The following LARP4B variants were observed in gnomAD, a reference collection of about 807,000 sequenced individuals.
LARP4B encodes the protein la-related protein 4B.
Under a neutral mutation model 89.8 loss-of-function variants are expected in LARP4B, and 12 were observed. That is an observed-to-expected ratio of 0.13 (90% CI 0.09 to 0.22). The LOEUF (loss-of-function observed/expected upper bound fraction) is 0.22. LARP4B is among the 10% of genes least tolerant of loss of function. The pLI is 1.00. For missense variants in LARP4B, 757 were observed against 947.7 expected, an observed-to-expected ratio of 0.80 and a Z score of 2.64; for synonymous variants, 367 against 363.3, an observed-to-expected ratio of 1.01 and a Z score of -0.12.
chr10:958,535 G>A, the LARP4B span, among the ~76,000 whole-genome samples: 2 of 152,206 alleles, frequency 1.3e-5, no homozygotes, highest in East Asian at 1.9e-4. Context: ...TGGTGCAGGT[G>A]TTATCCACCC....
chr10:936,900 T>C, the LARP4B span, among the ~76,000 whole-genome samples: 3 of 152,192 alleles, frequency 2.0e-5, no homozygotes, highest in Non-Finnish European at 4.4e-5. Flanking sequence ...ATTTGAATAC[T>C]GTGAGTAAAA....
the LARP4B span, chr10:985,302 AGAT>A: frequency 2.6e-5 from 4 of 152,278 alleles, no homozygotes; most frequent in African/African-American, 9.6e-5. Flanking sequence ...ATAAGAACAT[AGAT>A]AATACATAAT....
chr10:851,344 C>T (rs563745449), intron 5 of LARP4B, among the ~76,000 whole-genome samples: 61 of 152,074 alleles, frequency 4.0e-4, no homozygotes, highest in African/African-American at 1.4e-3. Flanking sequence ...CCACCACAGG[C>T]GGCTAATTTT....
the LARP4B span, among the ~76,000 whole-genome samples, chr10:941,899 C>T: frequency 2.0e-5 from 3 of 152,092 alleles, no homozygotes; most frequent in Non-Finnish European, 4.4e-5. Flanking sequence ...CCTCAGCCTC[C>T]TAAGTACCTG....
intron 3 of LARP4B, among the ~76,000 whole-genome samples, chr10:879,474 T>C (rs750442597): frequency 6.6e-6 from 1 of 152,066 alleles, no homozygotes; most frequent in Non-Finnish European, 1.5e-5. Context: ...TGTATCAACA[T>C]CCTTAAGGAA....
intron 1 of LARP4B, among the ~76,000 whole-genome samples, chr10:931,094 T>G (rs1173364066): frequency 2.7e-5 from 4 of 148,922 alleles, no homozygotes; most frequent in Admixed American, 6.7e-5. Flanking sequence ...CCTCAACGGG[T>G]CCTCCTAAGC....
intron 5 of LARP4B, among the ~76,000 whole-genome samples, chr10:849,952 G>T (rs541865767): frequency 3.0e-4 from 45 of 152,300 alleles, no homozygotes; most frequent in Non-Finnish European, 3.5e-4. Context: ...CAGCCAAGAG[G>T]AGCCTAAGGA....
At chr10:931,926 GGCGCGTGCGCGCACATCGCCCCGCCCC>G (rs897467986), upstream of LARP4B, among the ~76,000 whole-genome samples, 8 of 149,746 alleles carry the variant, frequency 5.3e-5, no homozygotes, top group Non-Finnish European at 1.0e-4. Flanking sequence ...CCTTGCGATT[GGCGCGTGCGCGCACATCGCCCCGCCCC>G]GCGCACGCCG....
chr10:827,126 A>C (rs1444023928), intron 11 of LARP4B, among the ~76,000 whole-genome samples: 1 of 152,068 alleles, frequency 6.6e-6, no homozygotes, highest in Non-Finnish European at 1.5e-5. Context: ...ATACAAAAAA[A>C]TTATCCGGGC....
At chr10:891,497 G>A (rs968895076) in intron 1 of LARP4B, among the ~76,000 whole-genome samples, 3 of 152,164 alleles carry the variant, frequency 2.0e-5, no homozygotes, top group Admixed American at 1.3e-4. Context: ...GATGTATATT[G>A]AAATATTTAC....
At chr10:909,031 A>G (rs1038093775) in intron 1 of LARP4B, among the ~76,000 whole-genome samples, 5 of 152,162 alleles carry the variant, frequency 3.3e-5, no homozygotes, top group Non-Finnish European at 7.3e-5. Context: ...GCGGTGGCTC[A>G]TGCCTGTAAT....
chr10:950,809 ATAT>A, the LARP4B span, among the ~76,000 whole-genome samples: 2 of 151,336 alleles, frequency 1.3e-5, no homozygotes, highest in Admixed American at 6.6e-5. Flanking sequence ...GTATATGGAA[ATAT>A]TATTGAATTT....
chr10:830,130 C>T (rs2131662272), intron 9 of LARP4B, among the ~76,000 whole-genome samples: 1 of 152,300 alleles, frequency 6.6e-6, no homozygotes, highest in East Asian at 1.9e-4. Flanking sequence ...AGGATCATAA[C>T]ATCCAAAAGT....
At chr10:955,845 C>T in the LARP4B span, among the ~76,000 whole-genome samples, 4 of 152,226 alleles carry the variant, frequency 2.6e-5, no homozygotes, top group South Asian at 8.3e-4. The surrounding 1 kb of genome is among the most constrained non-coding windows in gnomAD (Gnocchi z 5.2). Context: ...AGAAAGGAAA[C>T]TGTGTGAGGC....
chr10:944,605 C>T, the LARP4B span, among the ~76,000 whole-genome samples: 3 of 152,172 alleles, frequency 2.0e-5, no homozygotes, highest in East Asian at 3.8e-4. Flanking sequence ...TTCCTGCCAG[C>T]GCCAGTGCCA....
the LARP4B span, among the ~76,000 whole-genome samples, chr10:980,414 G>A: frequency 0.5 from 76,011 of 152,092 alleles, 19,347 homozygotes; most frequent in East Asian, 0.62. Context: ...CCATGGCAGA[G>A]GTTCTCTGTG....
intron 1 of LARP4B, among the ~76,000 whole-genome samples, chr10:918,257 C>T (rs1434843546): frequency 6.6e-6 from 1 of 152,176 alleles, no homozygotes; most frequent in Non-Finnish European, 1.5e-5. Flanking sequence ...GTCTATGCTC[C>T]TGGGTTGCAA....
chr10:826,383 C>T (rs899230363), intron 11 of LARP4B, among the ~76,000 whole-genome samples: 3 of 152,194 alleles, frequency 2.0e-5, no homozygotes, highest in Non-Finnish European at 4.4e-5. Context: ...AGGGTATTTT[C>T]AGATCATCAT....
At chr10:820,910 G>T in intron 13 of LARP4B, 65 bp from the exon 14 acceptor site, 1 of 1,393,304 alleles carries the variant, frequency 7.2e-7, no homozygotes, top group Non-Finnish European at 1.0e-6. Flanking sequence ...TATTGAGCAC[G>T]TTTGCACTCA....
Sources: allele counts gnomAD v4.1 joint callset (sites outside exome capture counted in the v4.1 genomes callset), GRCh38; gene constraint gnomAD v4.1.1; non-coding constraint Gnocchi (gnomAD v3.1); transcripts MANE v1.5; gene names NCBI Gene and HGNC (gene_info 2026-07-23, HGNC 2026-07-21).